Variants in EMB observed in about 807,000 individuals in gnomAD.
EMB encodes the protein embigin homolog.
Under a neutral mutation model 41.4 loss-of-function variants are expected in EMB, and 31 were observed. The observed-to-expected ratio is 0.75, with a 90% confidence interval of 0.56 to 1.01. The LOEUF is 1.01. Among genes scored for constraint, EMB ranks in the 50% least tolerant of loss-of-function variants. EMB has a pLI of 0.00. For synonymous variants in EMB, 137 were observed against 140.4 expected (o/e 0.98, Z 0.17); for missense variants, 379 against 388.3 (o/e 0.98, Z 0.20).
At chr5:50,426,134 A>C (rs1745607336) in intron 2 of EMB, among the ~76,000 whole-genome samples, 1 of 152,238 alleles carries the variant, frequency 6.6e-6, no homozygotes, top group African/African-American at 2.4e-5. Flanking sequence ...GAAACAAGTA[A>C]CTGGGCATTA....
intron 2 of EMB, among the ~76,000 whole-genome samples, chr5:50,421,531 C>A (rs1484658371): frequency 6.6e-6 from 1 of 152,020 alleles, no homozygotes; most frequent in East Asian, 1.9e-4. Flanking sequence ...TTGACCCAGC[C>A]ATCCCATTAC....
In EMB at chr5:50,398,560, C is replaced by T. The variant is rs1745108274; in HGVS notation, c.*713G>A. 1 of 152,020 alleles carries T rather than the reference C, an allele frequency of 6.6e-6. No individual in the cohort carries two copies. Among genetic ancestry groups the T allele is most frequent in the African/African-American group, 2.4e-5 (1 of 41,410 alleles). The allele number at this position is 152,020 out of a possible 1,614,324, so 9.4% of individuals were successfully genotyped here. On this transcript the variant is annotated 3_prime_UTR_variant, in exon 9 of 9. Transcript: ENST00000303221. ...ATGGTGTACCTTATGAAGTTAAAAA[C>T]CCTATTTAAGACTAAGAAGCACTTT...
At chr5:50,413,574 T>A (rs1745379040) in intron 2 of EMB, among the ~76,000 whole-genome samples, 1 of 151,642 alleles carries the variant, frequency 6.6e-6, no homozygotes, top group African/African-American at 2.4e-5. Context: ...TTTTTTCTTT[T>A]TCTTTCTTTC....
intron 1 of EMB, among the ~76,000 whole-genome samples, chr5:50,434,587 G>A (rs1745774021): frequency 6.6e-6 from 1 of 152,182 alleles, no homozygotes; most frequent in Admixed American, 6.5e-5. Context: ...TGGGCTTCAA[G>A]ATCAATGAAA....
chr5:50,438,578 C>A lies in EMB; in HGVS notation c.112+2462G>T, dbSNP rs1449395624. Among the ~76,000 whole-genome samples the A allele has an allele frequency of 2.6e-5, 4 of 152,270 alleles. No individual in the cohort carries two copies. The South Asian group carries it at 6.2e-4, about 24-fold the overall frequency. ...TGACTCAAAGTCTTAGGTTAACAGACAACCTGTGTCTAAGTATGTAGGCCT... is the reference window on the plus strand; with the variant it reads ...TGACTCAAAGTCTTAGGTTAACAGAAAACCTGTGTCTAAGTATGTAGGCCT... On this transcript the variant is annotated intron_variant, in intron 1 of 8. Transcript: ENST00000303221.
rs1008579318 is a variant in EMB, at chr5:50,401,729, T to A, written c.911+557A>T. On this transcript the variant is annotated intron_variant, in intron 7 of 8. Coordinates refer to ENST00000303221, the MANE Select transcript of EMB (RefSeq NM_198449.3). ...GTGTTCTCTGAATAATAATAACTAA[T>A]AGAATTCTAGGCCAGTGATTTTCAA... is the stretch of plus-strand genomic sequence containing the variant. 1.1e-4 allele frequency among the ~76,000 whole-genome samples: 16 copies of A among 151,962 alleles called. 1 individual carries two copies. The highest frequency in any genetic ancestry group is 3.9e-4 in the African/African-American group (16 of 41,402).
chr5:50,415,144 T>C (rs1745408433), intron 2 of EMB, among the ~76,000 whole-genome samples: 1 of 152,168 alleles, frequency 6.6e-6, no homozygotes, highest in Non-Finnish European at 1.5e-5. Flanking sequence ...GCAGTAGTAT[T>C]TAGTTGATTC....
At chr5:50,404,389 AC>A (rs752721384) in intron 5 of EMB, among the ~76,000 whole-genome samples, 66 of 151,946 alleles carry the variant, frequency 4.3e-4, no homozygotes, top group Non-Finnish European at 6.9e-4. Flanking sequence ...TTTAATAAGT[AC>A]CCAGCTGATT....
intron 2 of EMB, among the ~76,000 whole-genome samples, chr5:50,417,495 T>C (rs1447313321): frequency 6.6e-6 from 1 of 152,218 alleles, no homozygotes; most frequent in Non-Finnish European, 1.5e-5. Context: ...GTTATTTACA[T>C]GCCATCTGAT....
chr5:50,440,233 G>C (rs1198669667), intron 1 of EMB, among the ~76,000 whole-genome samples: 1 of 151,998 alleles, frequency 6.6e-6, no homozygotes, highest in Non-Finnish European at 1.5e-5. Context: ...CCCCTACTCA[G>C]CTCTAAAAAA....
At chr5:50,399,494 A>AC (rs1404667352) in intron 8 of EMB, among the ~76,000 whole-genome samples, 1 of 151,996 alleles carries the variant, frequency 6.6e-6, no homozygotes, top group Non-Finnish European at 1.5e-5. Flanking sequence ...ATAAGTTTAT[A>AC]CCCCCAAATA....
rs1432319686 is a variant in EMB, at chr5:50,428,147, T to G, written c.193A>C (p.Thr65Pro). 6.3e-7 allele frequency: 1 copy of G among 1,593,684 alleles called. No homozygotes were observed. Among genetic ancestry groups the G allele is most frequent in the Non-Finnish European group, 8.6e-7 (1 of 1,166,110 alleles). ...ATTTGAAACATGATACATTTACCAG[T>G]CAGTGATATGTTATGACTCTCCAAG... ...FSLESHNISL[T>P]EHSSMPVEKN... Residue 65 changes from threonine (T) to proline (P), a missense_variant, in exon 2 of 9, where the codon ACT (threonine) becomes CCT (proline). Coordinates refer to ENST00000303221, the MANE Select transcript of EMB (RefSeq NM_198449.3).
At position 50,397,645 on chromosome 5, in the gene EMB, G is replaced by A. The variant is rs1275767538; in HGVS notation, c.*1628C>T. 1 of 152,088 alleles carries A rather than the reference G, an allele frequency of 6.6e-6. No homozygotes were observed. The highest frequency in any genetic ancestry group is 1.5e-5 in the Non-Finnish European group (1 of 67,990). 9.4% of individuals were successfully genotyped at this position (152,088 alleles called of 1,614,324 possible). A position where few individuals can be genotyped will look rare whatever the true frequency, so the allele number is the denominator to read the frequency against. ...ATAGCTTAGATTAATTAAGCTAACTGATTGGTTATCTACCATTATATAGAT... is the reference window on the plus strand; with the variant it reads ...ATAGCTTAGATTAATTAAGCTAACTAATTGGTTATCTACCATTATATAGAT... On this transcript the variant is annotated 3_prime_UTR_variant, in exon 9 of 9. Coordinates refer to ENST00000303221, the MANE Select transcript of EMB (RefSeq NM_198449.3).
chr5:50,430,378 T>G (rs1468778501), intron 1 of EMB, among the ~76,000 whole-genome samples: 1 of 152,182 alleles, frequency 6.6e-6, no homozygotes, highest in Admixed American at 6.5e-5. Context: ...TTTTTGAGAT[T>G]TCCAGCATCA....
chr5:50,432,369 C>A (rs62365900), intron 1 of EMB, among the ~76,000 whole-genome samples: 18,701 of 152,092 alleles, frequency 0.12, 1,449 homozygotes, highest in East Asian at 0.28. Flanking sequence ...TTTTAACATT[C>A]TGATATACAG....
At chr5:50,416,432 T>C (rs1039814273) in intron 2 of EMB, among the ~76,000 whole-genome samples, 2 of 152,224 alleles carry the variant, frequency 1.3e-5, no homozygotes, top group Non-Finnish European at 2.9e-5. Context: ...AGAAATGACA[T>C]TTAGATTTTC....
At chr5:50,405,899 A>G (rs752785864) in intron 4 of EMB, 47 bp from the exon 5 acceptor site, 1 of 1,524,340 alleles carries the variant, frequency 6.6e-7, no homozygotes, top group South Asian at 1.3e-5. Context: ...AGTTTAGGTA[A>G]AGGAAATGTA....
chr5:50,400,638 T>C (rs941740485), intron 7 of EMB, among the ~76,000 whole-genome samples: 2 of 151,928 alleles, frequency 1.3e-5, no homozygotes, highest in African/African-American at 4.8e-5. Context: ...ATCAAGAAGC[T>C]CATTGTTCTG....
chr5:50,424,871 C>CA (rs768783028), intron 2 of EMB, among the ~76,000 whole-genome samples: 14 of 151,738 alleles, frequency 9.2e-5, no homozygotes, highest in Non-Finnish European at 1.3e-4. Context: ...TAAACAAAAA[C>CA]AAAAAAAACT....
Sources: gnomAD v4.1 joint callset for allele counts (sites outside exome capture counted in the v4.1 genomes callset) on GRCh38, gnomAD v4.1.1 for gene constraint, MANE v1.5 for transcripts, NCBI Gene and HGNC (gene_info 2026-07-23, HGNC 2026-07-21) for gene names.